The following IL1RAPL1 variants were observed in gnomAD, a reference collection of about 807,000 sequenced individuals.
IL1RAPL1 encodes interleukin-1 receptor accessory protein-like 1.
Under a neutral mutation model 48.4 loss-of-function variants are expected in IL1RAPL1, and 3 were observed. The observed-to-expected ratio is 0.06, with a 90% CI of 0.03 to 0.16. The LOEUF is 0.16. Among genes scored for constraint, IL1RAPL1 ranks in the 10% least tolerant of loss-of-function variants. IL1RAPL1 has a pLI of 1.00. For synonymous variants in IL1RAPL1, 185 were observed against 187.7 expected, an observed-to-expected ratio of 0.99 and a Z score of 0.12; for missense variants, 349 against 530.6, an observed-to-expected ratio of 0.66 and a Z score of 3.36.
intron 2 of IL1RAPL1, among the ~76,000 whole-genome samples, chrX:29,129,965 A>G (rs1388756066): frequency 4.5e-5 from 5 of 111,270 alleles, no homozygotes; most frequent in Non-Finnish European, 9.4e-5. Context: ...CATATTTTCT[A>G]TATTTATTTG....
chrX:28,636,888 GGA>G (rs1934471941), intron 1 of IL1RAPL1, among the ~76,000 whole-genome samples: 1 of 111,505 alleles, frequency 9.0e-6, no homozygotes, highest in Admixed American at 9.6e-5. Context: ...CTAAGCATAT[GGA>G]CACTTTACAC....
chrX:29,586,863 AT>A (rs1235260054), intron 5 of IL1RAPL1, among the ~76,000 whole-genome samples: 3 of 111,318 alleles, frequency 2.7e-5, no homozygotes, highest in Non-Finnish European at 5.7e-5. Flanking sequence ...AACACAGCTA[AT>A]TTTTGTGTGC....
At chrX:29,745,715 A>C (rs1468447920) in intron 6 of IL1RAPL1, among the ~76,000 whole-genome samples, 1 of 110,301 alleles carries the variant, frequency 9.1e-6, no homozygotes, top group Non-Finnish European at 1.9e-5. Flanking sequence ...CCAAAGTACT[A>C]GGATTACGGG....
At chrX:29,639,839 T>C (rs780159414) in intron 5 of IL1RAPL1, among the ~76,000 whole-genome samples, 2 of 111,994 alleles carry the variant, frequency 1.8e-5, no homozygotes, top group South Asian at 7.5e-4. Flanking sequence ...GTATTAGATA[T>C]GCATCAGCGG....
chrX:29,855,677 T>C (rs16998033), intron 6 of IL1RAPL1, among the ~76,000 whole-genome samples: 4,881 of 109,866 alleles, frequency 0.044, 271 homozygotes, highest in African/African-American at 0.15. Context: ...AGGGTAGGAG[T>C]TGACTTTTAA....
At chrX:28,993,077 A>G (rs898239124) in intron 2 of IL1RAPL1, among the ~76,000 whole-genome samples, 1 of 112,212 alleles carries the variant, frequency 8.9e-6, no homozygotes, top group African/African-American at 3.2e-5. Context: ...TTTGAAAATT[A>G]TGCTGTGATT....
intron 6 of IL1RAPL1, among the ~76,000 whole-genome samples, chrX:29,703,499 C>T (rs1470082803): frequency 1.8e-5 from 2 of 110,522 alleles, no homozygotes; most frequent in Admixed American, 9.6e-5. Context: ...CCCGCCACCA[C>T]GCCCTGCTAA....
intron 2 of IL1RAPL1, among the ~76,000 whole-genome samples, chrX:29,163,416 C>A (rs1929726254): frequency 8.9e-6 from 1 of 111,744 alleles, no homozygotes; most frequent in Admixed American, 9.6e-5. Context: ...AAAGGACTTT[C>A]TCATCTAAAA....
At chrX:29,310,770 T>C (rs1932713783) in intron 3 of IL1RAPL1, among the ~76,000 whole-genome samples, 1 of 112,601 alleles carries the variant, frequency 8.9e-6, no homozygotes, top group South Asian at 3.7e-4. Flanking sequence ...AAAAGTTAAA[T>C]TGAATTTTGA....
At chrX:28,588,547 A>G (rs1408059714) in intron 1 of IL1RAPL1, among the ~76,000 whole-genome samples, 2 of 112,295 alleles carry the variant, frequency 1.8e-5, no homozygotes, top group Admixed American at 9.4e-5. Flanking sequence ...CACAGCCGCA[A>G]TGGGACCAGG....
chrX:29,497,798 A>G (rs1935229521), intron 5 of IL1RAPL1, among the ~76,000 whole-genome samples: 1 of 111,622 alleles, frequency 9.0e-6, no homozygotes, highest in Admixed American at 9.5e-5. Context: ...GTTTATTTTC[A>G]TGCTATCTAA....
At chrX:29,780,559 G>A (rs1428240631) in intron 6 of IL1RAPL1, among the ~76,000 whole-genome samples, 2 of 111,386 alleles carry the variant, frequency 1.8e-5, no homozygotes, top group East Asian at 2.8e-4. Flanking sequence ...ACAAATGGAC[G>A]TTTCTTCCAA....
intron 6 of IL1RAPL1, among the ~76,000 whole-genome samples, chrX:29,871,718 A>G (rs1026797797): frequency 3.3e-4 from 37 of 111,080 alleles, no homozygotes; most frequent in African/African-American, 1.2e-3. Flanking sequence ...TTTGAAATCT[A>G]GACCTTTTTC....
chrX:29,138,775 T>TAA (rs751624483), intron 2 of IL1RAPL1, among the ~76,000 whole-genome samples: 7 of 67,349 alleles, frequency 1.0e-4, no homozygotes, highest in African/African-American at 3.8e-4. Context: ...AGACTCCATC[T>TAA]AAAAAAAAAA....
chrX:29,920,837 A>G (rs1346490497), intron 8 of IL1RAPL1, among the ~76,000 whole-genome samples: 9 of 97,358 alleles, frequency 9.2e-5, no homozygotes, highest in Non-Finnish European at 1.9e-4. Flanking sequence ...AAGAAAGAAA[A>G]GAGAAAAAAA....
At chrX:28,960,434 A>G (rs1322748999) in intron 2 of IL1RAPL1, among the ~76,000 whole-genome samples, 3 of 111,930 alleles carry the variant, frequency 2.7e-5, no homozygotes, top group Non-Finnish European at 3.8e-5. Context: ...ACTGTTCAAT[A>G]GGAAATAGCA....
At chrX:29,125,967 A>G in intron 2 of IL1RAPL1, among the ~76,000 whole-genome samples, 1 of 109,413 alleles carries the variant, frequency 9.1e-6, no homozygotes. Flanking sequence ...ACCTTTTACA[A>G]CTGAAATACA....
intron 2 of IL1RAPL1, among the ~76,000 whole-genome samples, chrX:29,081,055 TTTTC>T (rs1446626682): frequency 1.1e-5 from 1 of 90,590 alleles, no homozygotes; most frequent in African/African-American, 3.9e-5. Flanking sequence ...TTTTCTTTTC[TTTTC>T]TTTCTTTTTT....
At chrX:29,094,612 A>AG (rs1928164906) in intron 2 of IL1RAPL1, among the ~76,000 whole-genome samples, 1 of 100,841 alleles carries the variant, frequency 9.9e-6, no homozygotes, top group African/African-American at 3.6e-5. Context: ...AAAAAAAAAA[A>AG]AAAATCAGCC....
Sources: gnomAD v4.1 joint callset for allele counts (sites outside exome capture counted in the v4.1 genomes callset) on GRCh38, gnomAD v4.1.1 for gene constraint, MANE v1.5 for transcripts, NCBI Gene and HGNC (gene_info 2026-07-23, HGNC 2026-07-21) for gene names.